BABAM2: variants seen among roughly 807,000 people sequenced by gnomAD.
BABAM2 encodes BRISC and BRCA1 A complex member 2, also known as BRISC and BRCA1-A complex member 2.
BABAM2 carries 31 observed loss-of-function variants against 54.7 expected under a neutral mutation model. That is an observed-to-expected ratio of 0.57 (90% CI 0.43 to 0.77). The LOEUF is 0.77. Ranked by LOEUF, BABAM2 falls within the 30% of genes least tolerant of loss-of-function variation. The probability of loss-of-function intolerance (pLI) is 0.00; values close to 1 mark genes in which losing one functional copy is unlikely to be tolerated. For synonymous variants in BABAM2, 167 were observed against 162.9 expected (o/e 1.03, Z -0.19); for missense variants, 364 against 455.8 (o/e 0.80, Z 1.83).
chr2:28,265,460 A>T (rs1391080997), intron 10 of BABAM2, among the ~76,000 whole-genome samples: 3 of 152,094 alleles, frequency 2.0e-5, no homozygotes, highest in Non-Finnish European at 4.4e-5. Flanking sequence ...CAATTAAATC[A>T]ATTGGTGTTC....
At chr2:28,317,521 T>G (rs1348797413) in intron 11 of BABAM2, among the ~76,000 whole-genome samples, 1 of 152,208 alleles carries the variant, frequency 6.6e-6, no homozygotes, top group Non-Finnish European at 1.5e-5. Flanking sequence ...CAAACCTGAC[T>G]GTGCAGGCAG....
chr2:28,016,314 T>C, intron 4 of BABAM2: 2 of 1,062,338 alleles, frequency 1.9e-6, no homozygotes, highest in Non-Finnish European at 2.9e-6. Context: ...TCAACCAAAC[T>C]CTTGGAGCCT....
In BABAM2 at chr2:28,052,600, A is replaced by G. The variant is rs1395260998; in HGVS notation, c.570+6801A>G. Among the ~76,000 whole-genome samples, 6 of 152,036 alleles carry G rather than the reference A, an allele frequency of 3.9e-5. No individual in the cohort carries two copies. The East Asian group carries it at 1.2e-3, about 29-fold the overall frequency. ...ACCACACCCGGCCGTAATCATAGAG[A>G]AGGTTTCTTAAGAAGTTGTTTTAAT... On this transcript the variant is annotated intron_variant, in intron 6 of 11. Transcript: ENST00000379624.
chr2:28,276,250 T>C (rs1416978643), intron 10 of BABAM2, among the ~76,000 whole-genome samples: 1 of 152,128 alleles, frequency 6.6e-6, no homozygotes, highest in Non-Finnish European at 1.5e-5. Context: ...CCAGCATCCA[T>C]GCAAAAGATG....
At chr2:28,230,318 A>G (rs1681258392) in intron 7 of BABAM2, among the ~76,000 whole-genome samples, 1 of 152,196 alleles carries the variant, frequency 6.6e-6, no homozygotes, top group African/African-American at 2.4e-5. Flanking sequence ...GTTTAACTGA[A>G]GGACTGACAC....
chr2:27,919,560 G>A (rs1214844862), intron 2 of BABAM2, among the ~76,000 whole-genome samples: 2 of 152,140 alleles, frequency 1.3e-5, no homozygotes, highest in African/African-American at 4.8e-5. Context: ...ATTATGAATG[G>A]ATGTTTAATT....
chr2:28,056,050 A>G (rs1422098171), intron 6 of BABAM2, among the ~76,000 whole-genome samples: 1 of 152,148 alleles, frequency 6.6e-6, no homozygotes, highest in Admixed American at 6.5e-5. Flanking sequence ...AATTTCAAAT[A>G]TATGTGGAGA....
At chr2:28,262,223 C>G (rs1684600984) in intron 10 of BABAM2, among the ~76,000 whole-genome samples, 1 of 152,080 alleles carries the variant, frequency 6.6e-6, no homozygotes, top group Non-Finnish European at 1.5e-5. Flanking sequence ...AGAGATTAAG[C>G]TAAAGAGGCA....
intron 2 of BABAM2, among the ~76,000 whole-genome samples, chr2:27,914,360 G>C (rs1031103341): frequency 3.9e-5 from 6 of 152,186 alleles, no homozygotes; most frequent in African/African-American, 7.2e-5. Flanking sequence ...GCATGTTAGT[G>C]AAGATAGCTA....
intron 3 of BABAM2, among the ~76,000 whole-genome samples, chr2:27,982,812 C>T (rs1672110687): frequency 6.6e-6 from 1 of 150,448 alleles, no homozygotes; most frequent in Non-Finnish European, 1.5e-5. Flanking sequence ...AAATTTTTCT[C>T]CTTTTAAGGC....
At chr2:27,902,404 A>G (rs1665855578) in intron 2 of BABAM2, among the ~76,000 whole-genome samples, 2 of 152,234 alleles carry the variant, frequency 1.3e-5, no homozygotes, top group Non-Finnish European at 2.9e-5. Flanking sequence ...TTTGAAAGCT[A>G]CCCATCAAAG....
intron 10 of BABAM2, among the ~76,000 whole-genome samples, chr2:28,286,285 A>G (rs1401295698): frequency 6.6e-6 from 1 of 152,148 alleles, no homozygotes; most frequent in Non-Finnish European, 1.5e-5. Flanking sequence ...TTTCCAAAGC[A>G]TTCTCCATTC....
chr2:27,891,706 C>CT (rs34610951), intron 1 of BABAM2, among the ~76,000 whole-genome samples: 1,370 of 111,838 alleles, frequency 0.012, 20 homozygotes, highest in African/African-American at 0.04. Context: ...ACCCCCCGCC[C>CT]TTTTTTTTTA....
At chr2:28,141,856 G>C (rs138502287) in intron 7 of BABAM2, among the ~76,000 whole-genome samples, 2 of 152,236 alleles carry the variant, frequency 1.3e-5, no homozygotes, top group Non-Finnish European at 2.9e-5. Context: ...TGGATGGGGG[G>C]TATGTCAGGT....
chr2:27,921,958 C>T (rs943359171), intron 2 of BABAM2, among the ~76,000 whole-genome samples: 1 of 152,110 alleles, frequency 6.6e-6, no homozygotes, highest in Non-Finnish European at 1.5e-5. Context: ...GAGTACAACA[C>T]TAGGAGTCAA....
chr2:28,006,759 G>A (rs1379081287), intron 4 of BABAM2, among the ~76,000 whole-genome samples: 1 of 151,936 alleles, frequency 6.6e-6, no homozygotes, highest in Admixed American at 6.6e-5. Flanking sequence ...GAAGGATTAA[G>A]GAATTATATA....
rs1047853399 is a variant in BABAM2, at chr2:28,304,201, G to A, written c.1088+5710G>A. On this transcript the variant is annotated intron_variant, in intron 11 of 11. Coordinates refer to ENST00000379624, the MANE Select transcript of BABAM2 (RefSeq NM_199191.3). The surrounding 1 kb of genome is among the most constrained non-coding windows in gnomAD (Gnocchi z 4.0). ...CTTCCTAGTAGCTGGGATTACAGGCGCCCGCCACTATGCCCGGCCAATTTT... is the reference window on the plus strand; with the variant it reads ...CTTCCTAGTAGCTGGGATTACAGGCACCCGCCACTATGCCCGGCCAATTTT... Among the ~76,000 whole-genome samples, 2 of 150,480 alleles carry A rather than the reference G, an allele frequency of 1.3e-5. No homozygotes were observed. Among genetic ancestry groups the A allele is most frequent in the Admixed American group, 6.6e-5 (1 of 15,162 alleles).
intron 7 of BABAM2, among the ~76,000 whole-genome samples, chr2:28,222,771 A>C (rs1337181700): frequency 2.0e-5 from 3 of 152,200 alleles, no homozygotes; most frequent in Non-Finnish European, 4.4e-5. Flanking sequence ...TCTCTTCCTG[A>C]CTAAATCTTT....
At chr2:28,127,367 A>T (rs1286655634) in intron 6 of BABAM2, among the ~76,000 whole-genome samples, 1 of 152,132 alleles carries the variant, frequency 6.6e-6, no homozygotes, top group African/African-American at 2.4e-5. Context: ...TGGTGTGTTT[A>T]GTGGTTACCC....
Sources: gnomAD v4.1 joint callset for allele counts (sites outside exome capture counted in the v4.1 genomes callset) on GRCh38, gnomAD v4.1.1 for gene constraint, Gnocchi (gnomAD v3.1) non-coding constraint, MANE v1.5 for transcripts, NCBI Gene and HGNC (gene_info 2026-07-23, HGNC 2026-07-21) for gene names.